CDH12: variants seen among roughly 807,000 people sequenced by gnomAD.
The protein encoded by CDH12 is cadherin 12.
CDH12 carries 41 observed loss-of-function variants against 74.1 expected under a neutral mutation model. That is an observed-to-expected ratio of 0.55 (90% CI 0.43 to 0.72). The LOEUF is 0.72. CDH12 is among the 30% of genes least tolerant of loss of function. The pLI, the probability that CDH12 is intolerant of heterozygous loss-of-function variation, is 0.00. For synonymous variants in CDH12, 399 were observed against 355.0 expected, an observed-to-expected ratio of 1.12 and a Z score of -1.39; for missense variants, 945 against 977.2, an observed-to-expected ratio of 0.97 and a Z score of 0.44.
At chr5:22,084,285 T>C (rs567671506) in intron 4 of CDH12, among the ~76,000 whole-genome samples, 1 of 152,186 alleles carries the variant, frequency 6.6e-6, no homozygotes, top group African/African-American at 2.4e-5. Context: ...ATAGATGAGA[T>C]GGCAGCCTGT....
At chr5:22,811,239 G>A (rs959327152) in intron 1 of CDH12, among the ~76,000 whole-genome samples, 3 of 152,046 alleles carry the variant, frequency 2.0e-5, no homozygotes, top group Admixed American at 2.0e-4. Flanking sequence ...TGGATATAGA[G>A]AAGAGGAAAG....
chr5:22,620,884 T>A lies in CDH12; in HGVS notation c.-522-115520A>T, dbSNP rs1737936664. 3.9e-5 allele frequency among the ~76,000 whole-genome samples: 6 copies of A among 152,276 alleles called. No homozygotes were observed. In the South Asian group the frequency reaches 1.2e-3, roughly 32 times the overall value. ...GATAAAATTTGTAAAACCATAAAAGTTTTAGATGCGACAAATGAAATGCAT... is the reference window on the plus strand; with the variant it reads ...GATAAAATTTGTAAAACCATAAAAGATTTAGATGCGACAAATGAAATGCAT... On this transcript the variant is annotated intron_variant, in intron 1 of 14. Coordinates refer to ENST00000382254, the MANE Select transcript of CDH12 (RefSeq NM_004061.5).
At chr5:22,710,722 C>A (rs1355370075) in intron 1 of CDH12, among the ~76,000 whole-genome samples, 1 of 152,106 alleles carries the variant, frequency 6.6e-6, no homozygotes, top group African/African-American at 2.4e-5. Flanking sequence ...AAGTCTACTT[C>A]ACAATTAGTT....
intron 2 of CDH12, among the ~76,000 whole-genome samples, chr5:22,458,412 A>G (rs1457017066): frequency 6.6e-6 from 1 of 152,226 alleles, no homozygotes; most frequent in African/African-American, 2.4e-5. Context: ...CAATAAGGCC[A>G]TATTCATAGG....
intron 1 of CDH12, among the ~76,000 whole-genome samples, chr5:22,668,935 A>G (rs987024997): frequency 2.0e-5 from 3 of 149,180 alleles, no homozygotes; most frequent in African/African-American, 7.4e-5. Flanking sequence ...TCTCTCTCTT[A>G]TAGTTTGATT....
Position 21,830,065 on chromosome 5 carries a change from G to A in CDH12, c.814+12096C>T, listed in dbSNP as rs140623244. Among the ~76,000 whole-genome samples, 901 of 151,500 alleles carry A rather than the reference G, an allele frequency of 5.9e-3. 6 individuals are homozygous for A. The highest frequency in any genetic ancestry group is 0.019 in the African/African-American group (794 of 41,308). On this transcript the variant is annotated intron_variant, in intron 8 of 14. Coordinates refer to ENST00000382254, the MANE Select transcript of CDH12 (RefSeq NM_004061.5). ...AATACAAAAATTATCTGGGTATGTTGGCGGGTGCCTGTAATCCCAGCTACT... is the reference window on the plus strand; with the variant it reads ...AATACAAAAATTATCTGGGTATGTTAGCGGGTGCCTGTAATCCCAGCTACT...
At chr5:21,848,493 A>G (rs1750296655) in intron 7 of CDH12, among the ~76,000 whole-genome samples, 1 of 151,982 alleles carries the variant, frequency 6.6e-6, no homozygotes, top group African/African-American at 2.4e-5. Context: ...TTTATGTGCA[A>G]AGTTACTGAG....
At chr5:21,793,162 A>G (rs532562971) in intron 10 of CDH12, among the ~76,000 whole-genome samples, 115 of 151,814 alleles carry the variant, frequency 7.6e-4, no homozygotes, top group African/African-American at 2.7e-3. Flanking sequence ...TCTCCCCATT[A>G]AGACTTGCTG....
At chr5:21,785,754 G>T (rs1038109828) in intron 10 of CDH12, among the ~76,000 whole-genome samples, 6 of 152,180 alleles carry the variant, frequency 3.9e-5, no homozygotes, top group Non-Finnish European at 1.5e-5. Context: ...TTTAAGGAAA[G>T]AAGTCATCTC....
At chr5:22,704,904 T>A (rs554850126) in intron 1 of CDH12, among the ~76,000 whole-genome samples, 3 of 152,120 alleles carry the variant, frequency 2.0e-5, no homozygotes, top group Non-Finnish European at 4.4e-5. Flanking sequence ...ACCTTCCTTA[T>A]ACAATGTATA....
chr5:22,057,879 C>T (rs370782850), intron 5 of CDH12, among the ~76,000 whole-genome samples: 49 of 152,144 alleles, frequency 3.2e-4, no homozygotes, highest in Admixed American at 9.2e-4. Flanking sequence ...CCAAAGGGTA[C>T]GTGAGGATTC....
chr5:22,094,625 T>A (rs918997091), intron 4 of CDH12, among the ~76,000 whole-genome samples: 1 of 152,000 alleles, frequency 6.6e-6, no homozygotes, highest in African/African-American at 2.4e-5. Context: ...TAAGAGTGTA[T>A]TAATGGGCAT....
At chr5:22,232,651 C>A (rs1463366166) in intron 3 of CDH12, among the ~76,000 whole-genome samples, 2 of 151,246 alleles carry the variant, frequency 1.3e-5, no homozygotes, top group Non-Finnish European at 3.0e-5. Context: ...AAGATTCTAA[C>A]ACACTGAAAA....
At chr5:22,226,655 A>G (rs939322357) in intron 3 of CDH12, among the ~76,000 whole-genome samples, 3 of 152,172 alleles carry the variant, frequency 2.0e-5, no homozygotes, top group African/African-American at 4.8e-5. Context: ...TGGGTGTCCC[A>G]TTATGCCACA....
At chr5:21,983,220 T>C (rs138317812) in intron 5 of CDH12, among the ~76,000 whole-genome samples, 1 of 152,012 alleles carries the variant, frequency 6.6e-6, no homozygotes, top group Non-Finnish European at 1.5e-5. Flanking sequence ...TTTACCCTCA[T>C]ATATAATTAA....
chr5:22,180,697 T>G (rs572375428), intron 4 of CDH12, among the ~76,000 whole-genome samples: 2 of 151,912 alleles, frequency 1.3e-5, no homozygotes, highest in African/African-American at 4.8e-5. Context: ...GACGGGGTTT[T>G]GCCATGTTGG....
At chr5:22,211,740 C>G (rs1373101779) in intron 4 of CDH12, among the ~76,000 whole-genome samples, 1 of 151,452 alleles carries the variant, frequency 6.6e-6, no homozygotes, top group African/African-American at 2.4e-5. Context: ...TTCATTATAT[C>G]TTAATAATAA....
intron 2 of CDH12, among the ~76,000 whole-genome samples, chr5:22,477,977 G>C (rs1746234720): frequency 6.6e-6 from 1 of 152,042 alleles, no homozygotes; most frequent in African/African-American, 2.4e-5. Context: ...AATAAGATCA[G>C]GTTACTTTAA....
chr5:22,283,883 C>A (rs886623487), intron 3 of CDH12, among the ~76,000 whole-genome samples: 9 of 151,990 alleles, frequency 5.9e-5, no homozygotes, highest in Admixed American at 2.0e-4. Context: ...ACCACCAATA[C>A]CTTCAATTTT....
Sources: gnomAD v4.1 joint callset for allele counts (sites outside exome capture counted in the v4.1 genomes callset) on GRCh38, gnomAD v4.1.1 for gene constraint, MANE v1.5 for transcripts, NCBI Gene and HGNC (gene_info 2026-07-23, HGNC 2026-07-21) for gene names.